The following EPHB4 variants were observed in gnomAD, a reference collection of about 807,000 sequenced individuals.
EPHB4 encodes EPH receptor B4.
In EPHB4, 50 loss-of-function variants were observed where a neutral mutation model predicts 110.6. The ratio of observed to expected loss-of-function variants is 0.45; its 90% CI spans 0.36 to 0.57. The LOEUF is 0.57. Ranked by LOEUF, EPHB4 falls within the 20% of genes least tolerant of loss-of-function variation. EPHB4 has a pLI of 0.00. For synonymous variants in EPHB4, 592 were observed against 578.4 expected (o/e 1.02, Z -0.34); for missense variants, 1,128 against 1,382.1 (o/e 0.82, Z 2.91).
intron 1 of EPHB4, among the ~76,000 whole-genome samples, chr7:100,826,661 G>T (rs1317286475): frequency 6.6e-6 from 1 of 152,064 alleles, no homozygotes; most frequent in Non-Finnish European, 1.5e-5. Context: ...AGATAGTTTT[G>T]AATAGTGGGG....
chr7:100,811,866 T>C (rs1161695576), intron 12 of EPHB4, among the ~76,000 whole-genome samples: 2 of 147,232 alleles, frequency 1.4e-5, no homozygotes, highest in Non-Finnish European at 3.0e-5. Context: ...TGAGACTCTG[T>C]CTTAAAAAAA....
intron 16 of EPHB4, among the ~76,000 whole-genome samples, chr7:100,804,668 C>G (rs1463202328): frequency 6.6e-6 from 1 of 151,940 alleles, no homozygotes; most frequent in Non-Finnish European, 1.5e-5. Flanking sequence ...GAGAGGAGAT[C>G]TTGGGAGAGG....
intron 12 of EPHB4, among the ~76,000 whole-genome samples, chr7:100,812,468 A>G (rs1174985685): frequency 1.3e-5 from 2 of 152,096 alleles, no homozygotes; most frequent in Admixed American, 6.6e-5. Context: ...GCATGCCTAT[A>G]GTACCAGCTA....
At chr7:100,816,975 C>T (rs1335785418) in intron 8 of EPHB4, among the ~76,000 whole-genome samples, 2 of 147,988 alleles carry the variant, frequency 1.4e-5, no homozygotes, top group African/African-American at 2.5e-5. Flanking sequence ...CCCAGCTACT[C>T]GGGAGGCTGA....
At chr7:100,804,816 A>G (rs1207679992) in intron 16 of EPHB4, among the ~76,000 whole-genome samples, 1 of 152,194 alleles carries the variant, frequency 6.6e-6, no homozygotes, top group Non-Finnish European at 1.5e-5. Context: ...TTCTCCTTTT[A>G]TGGTTGGAAA....
chr7:100,816,046 C>T lies in EPHB4; in HGVS notation c.1588+1146G>A, dbSNP rs542598043. Among the ~76,000 whole-genome samples, 112 of 151,336 alleles carry T rather than the reference C, an allele frequency of 7.4e-4. 1 individual carries two copies. The highest frequency in any genetic ancestry group is 1.1e-3 in the Non-Finnish European group (77 of 67,832). On this transcript the variant is annotated intron_variant, in intron 8 of 16. Transcript: ENST00000358173. ...GCTCACGCCAGCAGTCCCAGCATTT[C>T]GGGAAGCCGAGGCGGGTGGATCAGG...
chr7:100,824,395 C>A, intron 1 of EPHB4, 122 bp from the exon 2 acceptor site: 1 of 1,051,164 alleles, frequency 9.5e-7, no homozygotes, highest in Non-Finnish European at 1.4e-6. Flanking sequence ...GTTGGGGGGC[C>A]AAGAGGGGAG....
chr7:100,819,607 G>C lies in EPHB4; in HGVS notation c.1247C>G (p.Ala416Gly), dbSNP rs1397506333. The C allele has an allele frequency of 1.3e-6, 2 of 1,597,372 alleles. No homozygotes were observed. The highest frequency in any genetic ancestry group is 3.4e-5 in the Admixed American group (2 of 59,490). ...AGGCTCAAATGGGACGGGCCCCGTG[G>C]CTAAGGAGGATACCCCGTTCAATGC... is the stretch of plus-strand genomic sequence containing the variant. ...VTALNGVSSL[A>G]TGPVPFEPVN... is the part of the protein sequence containing the mutation. Residue 416 changes from alanine (A) to glycine (G), a missense_variant, in exon 6 of 17, where the codon GCC becomes GGC. Physicochemically the swap from Ala to Gly is moderately conservative, Grantham distance 60. Transcript: ENST00000358173.
rs1812861193 is a variant in EPHB4 at position 100,808,484 on chromosome 7, C to A, written c.2119-904G>T. 2.6e-5 allele frequency among the ~76,000 whole-genome samples: 4 copies of A among 152,292 alleles called. No individual in the cohort carries two copies. In the South Asian group the frequency reaches 8.3e-4, roughly 32 times the overall value. On this transcript the variant is annotated intron_variant, in intron 12 of 16. Coordinates refer to ENST00000358173, the MANE Select transcript of EPHB4 (RefSeq NM_004444.5). ...TCAAGCAATCTTCCCACCTTGGCCT[C>A]CCAAGGTGCTGGGATTACAGGCATG...
chr7:100,813,022 G>A (rs1389689532), intron 11 of EPHB4, 28 bp from the exon 12 acceptor site: 3 of 1,612,246 alleles, frequency 1.9e-6, no homozygotes, highest in African/African-American at 1.3e-5. Flanking sequence ...GAGGTCATCA[G>A]CTCTCCCGCT....
intron 4 of EPHB4, among the ~76,000 whole-genome samples, chr7:100,821,441 A>G (rs1177921291): frequency 5.3e-5 from 8 of 151,110 alleles, no homozygotes; most frequent in Non-Finnish European, 1.0e-4. Context: ...CATCCTGGCT[A>G]ACACGGTGAA....
intron 1 of EPHB4, 184 bp from the exon 2 acceptor site, chr7:100,824,457 C>T: frequency 1.6e-6 from 1 of 616,520 alleles, no homozygotes; most frequent in South Asian, 1.9e-5. Context: ...TGCTAAGTGC[C>T]AACCCCACCC....
intron 12 of EPHB4, among the ~76,000 whole-genome samples, chr7:100,811,020 T>C (rs1445203375): frequency 6.6e-6 from 1 of 151,524 alleles, no homozygotes; most frequent in African/African-American, 2.4e-5. Flanking sequence ...GGGGCCGAGA[T>C]GGGTGGATCA....
Position 100,803,303 on chromosome 7 carries a change from G to T in EPHB4, c.*158C>A. The T allele has an allele frequency of 1.1e-6, 1 of 927,390 alleles. No homozygotes were observed. Among genetic ancestry groups the T allele is most frequent in the Non-Finnish European group, 1.5e-6 (1 of 680,454 alleles). The allele number at this position is 927,390 out of a possible 1,614,324, so 57.4% of individuals were successfully genotyped here. On this transcript the variant is annotated 3_prime_UTR_variant, in exon 17 of 17. Coordinates refer to ENST00000358173, the MANE Select transcript of EPHB4 (RefSeq NM_004444.5). The stretch of plus-strand genomic sequence containing the variant: ...GGGGTGATTTTCCCCTCCTATTATG[G>T]CAGAACCCCCAAATCCTGTCTCTCC...
At chr7:100,816,819 C>G (rs1460554682) in intron 8 of EPHB4, among the ~76,000 whole-genome samples, 1 of 152,082 alleles carries the variant, frequency 6.6e-6, no homozygotes, top group Non-Finnish European at 1.5e-5. Context: ...TGCAGTGGCT[C>G]ATGCCTGTAA....
At chr7:100,808,833 G>C (rs1371265186) in intron 12 of EPHB4, among the ~76,000 whole-genome samples, 1 of 152,162 alleles carries the variant, frequency 6.6e-6, no homozygotes, top group Non-Finnish European at 1.5e-5. Context: ...CCATCCTCCA[G>C]ACCTGCACCT....
intron 2 of EPHB4, 118 bp from the exon 3 acceptor site, chr7:100,824,049 G>C: frequency 3.3e-6 from 5 of 1,517,476 alleles, no homozygotes; most frequent in Middle Eastern, 2.3e-4. Context: ...ACTGCGAGGA[G>C]GGCGCCTCTG....
chr7:100,805,968 T>A (rs1812809848), intron 14 of EPHB4: 1 of 378,856 alleles, frequency 2.6e-6, no homozygotes, highest in East Asian at 4.1e-5. Context: ...AACTCTTTTA[T>A]TTATTTATTA....
intron 12 of EPHB4, among the ~76,000 whole-genome samples, chr7:100,807,810 G>A (rs889644355): frequency 1.3e-5 from 2 of 152,094 alleles, no homozygotes; most frequent in African/African-American, 4.8e-5. Context: ...TTAATTTTTA[G>A]TAGAGATAGG....
Sources: allele counts gnomAD v4.1 joint callset (sites outside exome capture counted in the v4.1 genomes callset), GRCh38; gene constraint gnomAD v4.1.1; transcripts MANE v1.5; gene names NCBI Gene and HGNC (gene_info 2026-07-23, HGNC 2026-07-21).